Variants in EBF1 observed in about 807,000 individuals in gnomAD.
The protein encoded by EBF1 is EBF transcription factor 1.
A neutral mutation model predicts 68.4 loss-of-function variants in EBF1; 10 were observed. The observed-to-expected ratio is 0.15, with a 90% CI of 0.09 to 0.25. The LOEUF is 0.25. EBF1 is among the 10% of genes least tolerant of loss of function. The pLI is 1.00. For synonymous variants in EBF1, 298 were observed against 299.8 expected (o/e 0.99, Z 0.06); for missense variants, 509 against 794.4 (o/e 0.64, Z 4.32).
At chr5:158,926,387 A>T (rs2127423168) in intron 6 of EBF1, among the ~76,000 whole-genome samples, 2 of 152,296 alleles carry the variant, frequency 1.3e-5, no homozygotes, top group Non-Finnish European at 2.9e-5. Flanking sequence ...ACACATTAGG[A>T]TTATTAGATG....
At chr5:158,775,655 C>A (rs137873914) in intron 10 of EBF1, among the ~76,000 whole-genome samples, 35 of 152,024 alleles carry the variant, frequency 2.3e-4, no homozygotes, top group African/African-American at 7.7e-4. Context: ...TTGTGAAAAA[C>A]TCCCATCCAT....
intron 6 of EBF1, among the ~76,000 whole-genome samples, chr5:158,869,975 T>C (rs1796597348): frequency 6.6e-6 from 1 of 152,204 alleles, no homozygotes; most frequent in Non-Finnish European, 1.5e-5. Flanking sequence ...AAAACTCTAA[T>C]TCCACAATAT....
At chr5:158,985,077 C>T (rs966201884) in intron 6 of EBF1, among the ~76,000 whole-genome samples, 1 of 152,234 alleles carries the variant, frequency 6.6e-6, no homozygotes, top group Middle Eastern at 3.4e-3. Context: ...ACTATAGTTT[C>T]TTTTCAAATA....
intron 6 of EBF1, among the ~76,000 whole-genome samples, chr5:158,862,276 A>G (rs971558677): frequency 1.3e-5 from 2 of 152,216 alleles, no homozygotes; most frequent in Non-Finnish European, 2.9e-5. Flanking sequence ...GTAGGCTGGG[A>G]AAACTTCAAA....
chr5:158,988,135 T>C (rs1000486839), intron 6 of EBF1, among the ~76,000 whole-genome samples: 1 of 152,200 alleles, frequency 6.6e-6, no homozygotes, highest in African/African-American at 2.4e-5. Flanking sequence ...AATGAATGAA[T>C]ACCTCTGGTC....
At chr5:158,779,174 T>C (rs879541553) in intron 9 of EBF1, among the ~76,000 whole-genome samples, 3 of 152,184 alleles carry the variant, frequency 2.0e-5, no homozygotes, top group Admixed American at 2.0e-4. Context: ...ATCTACCACA[T>C]TGCTGGATAT....
intron 6 of EBF1, among the ~76,000 whole-genome samples, chr5:158,886,045 G>A (rs1017408983): frequency 6.6e-6 from 1 of 152,208 alleles, no homozygotes; most frequent in South Asian, 2.1e-4. Flanking sequence ...GCAGTGCTGG[G>A]TGTGAATGGG....
chr5:158,757,608 A>C (rs1050831709), intron 10 of EBF1, among the ~76,000 whole-genome samples: 1 of 152,170 alleles, frequency 6.6e-6, no homozygotes, highest in Non-Finnish European at 1.5e-5. Flanking sequence ...TGTTATACGC[A>C]CAAGAGCCTG....
intron 6 of EBF1, among the ~76,000 whole-genome samples, chr5:158,884,543 C>G (rs1048828093): frequency 6.6e-6 from 1 of 152,038 alleles, no homozygotes; most frequent in African/African-American, 2.4e-5. Flanking sequence ...GCCCTCAGGA[C>G]AGGGGAAAGT....
chr5:158,832,161 T>C (rs938388001), intron 7 of EBF1, among the ~76,000 whole-genome samples: 4 of 152,184 alleles, frequency 2.6e-5, no homozygotes, highest in African/African-American at 9.7e-5. Flanking sequence ...ACCAAACACT[T>C]TTACATTCAT....
intron 7 of EBF1, among the ~76,000 whole-genome samples, chr5:158,828,585 A>T (rs1786751308): frequency 6.6e-6 from 1 of 152,224 alleles, no homozygotes; most frequent in Non-Finnish European, 1.5e-5. Context: ...TACTAGTAAA[A>T]CAAGGGAAAC....
At chr5:158,999,157 C>T (rs1210759025) in intron 6 of EBF1, among the ~76,000 whole-genome samples, 1 of 152,124 alleles carries the variant, frequency 6.6e-6, no homozygotes, top group African/African-American at 2.4e-5. Flanking sequence ...AGAGACTCCA[C>T]TCTGGGATGA....
At chr5:158,797,897 T>A (rs1052466207) in intron 8 of EBF1, among the ~76,000 whole-genome samples, 6 of 152,172 alleles carry the variant, frequency 3.9e-5, no homozygotes, top group African/African-American at 1.4e-4. Flanking sequence ...TGTAAATGAT[T>A]CGTGACTTGA....
intron 6 of EBF1, among the ~76,000 whole-genome samples, chr5:158,975,339 C>T (rs1756517723): frequency 1.3e-5 from 2 of 152,108 alleles, no homozygotes. Context: ...GCTGTGTTTA[C>T]TGAGACAAGA....
At chr5:159,080,520 G>A in intron 5 of EBF1, among the ~76,000 whole-genome samples, 1 of 152,184 alleles carries the variant, frequency 6.6e-6, no homozygotes, top group Non-Finnish European at 1.5e-5. Context: ...GTGCATGAAT[G>A]TTTTGGTAGA....
At chr5:158,725,937 A>G (rs927663016) in intron 11 of EBF1, among the ~76,000 whole-genome samples, 16 of 152,218 alleles carry the variant, frequency 1.1e-4, no homozygotes, top group African/African-American at 3.9e-4. Flanking sequence ...AGTGTTTGCA[A>G]ATCTGACTTG....
In EBF1 at chr5:159,084,668, G is replaced by A; in HGVS notation, c.483C>T (p.Cys161=). Residue 161 remains cysteine, a splice_region_variant and synonymous_variant, in exon 5 of 16, where the codon TGC becomes TGT. Transcript: ENST00000313708. Reference sequence around the variant, plus strand: ...GGAGAGACCAAGATATTTCTTACCTGCACATGATCTCATGTGTGAGCAAGA... The same window carrying A: ...GGAGAGACCAAGATATTTCTTACCTACACATGATCTCATGTGTGAGCAAGA... ...CRVLLTHEIM[C]SRCCDKKSCG... 1 of 1,579,308 alleles carries A rather than the reference G, an allele frequency of 6.3e-7. No individual in the cohort carries two copies.
intron 6 of EBF1, among the ~76,000 whole-genome samples, chr5:158,996,433 G>C (rs1761432340): frequency 6.6e-6 from 1 of 152,140 alleles, no homozygotes; most frequent in South Asian, 2.1e-4. Context: ...GGACAGTTGT[G>C]ATTTCTGTCT....
At chr5:158,823,434 T>C in intron 7 of EBF1, 117 bp from the exon 8 acceptor site, 2 of 932,520 alleles carry the variant, frequency 2.1e-6, no homozygotes, top group Non-Finnish European at 3.2e-6. Flanking sequence ...CTATTTCACA[T>C]AATAACTGGT....
Sources: gnomAD v4.1 joint callset for allele counts (sites outside exome capture counted in the v4.1 genomes callset) on GRCh38, gnomAD v4.1.1 for gene constraint, MANE v1.5 for transcripts, NCBI Gene and HGNC (gene_info 2026-07-23, HGNC 2026-07-21) for gene names.